Variants in KIAA2012 observed in about 807,000 individuals in gnomAD.
KIAA2012 encodes the protein uncharacterized protein KIAA2012.
A neutral mutation model predicts 150.6 loss-of-function variants in KIAA2012; 125 were observed. The observed-to-expected ratio is 0.83, with a 90% CI of 0.72 to 0.96. The LOEUF is 0.96. KIAA2012 is among the 40% of genes least tolerant of loss of function. The probability of loss-of-function intolerance (pLI) is 0.00; values close to 1 mark genes in which losing one functional copy is unlikely to be tolerated. For missense variants in KIAA2012, 1,219 were observed against 1,354.9 expected, an observed-to-expected ratio of 0.90 and a Z score of 1.57; for synonymous variants, 462 against 504.7, an observed-to-expected ratio of 0.92 and a Z score of 1.13.
chr2:202,098,425 C>T (rs1689951069), intron 5 of KIAA2012, among the ~76,000 whole-genome samples: 1 of 152,130 alleles, frequency 6.6e-6, no homozygotes, highest in Non-Finnish European at 1.5e-5. Flanking sequence ...GCCTTCTCCT[C>T]CTGGAAAGTC....
chr2:202,081,128 A>G (rs554643563), intron 2 of KIAA2012, among the ~76,000 whole-genome samples: 2 of 152,356 alleles, frequency 1.3e-5, no homozygotes, highest in Admixed American at 1.3e-4. Context: ...CACTTAGCAT[A>G]ATGTCTTCAC....
intron 11 of KIAA2012, among the ~76,000 whole-genome samples, chr2:202,119,896 C>T (rs145770228): frequency 9.9e-5 from 15 of 152,244 alleles, no homozygotes; most frequent in East Asian, 3.9e-4. Context: ...GGGAGGAACC[C>T]GGTGGGAGGT....
chr2:202,081,207 G>C (rs1278216288), intron 2 of KIAA2012, among the ~76,000 whole-genome samples: 1 of 152,158 alleles, frequency 6.6e-6, no homozygotes, highest in African/African-American at 2.4e-5. Flanking sequence ...CTGAGTAATA[G>C]TCCCTTGTAT....
At chr2:202,111,818 TGA>T (rs1248242191) in intron 10 of KIAA2012, among the ~76,000 whole-genome samples, 1 of 152,104 alleles carries the variant, frequency 6.6e-6, no homozygotes, top group Admixed American at 6.6e-5. Context: ...GCCTGCCCTG[TGA>T]GAGTGTGCAT....
chr2:202,167,105 C>T (rs1161905721), intron 15 of KIAA2012, among the ~76,000 whole-genome samples: 4 of 150,702 alleles, frequency 2.7e-5, no homozygotes, highest in Admixed American at 6.6e-5. Context: ...ACCCAGCAGG[C>T]GGAGCTTGCA....
intron 13 of KIAA2012, among the ~76,000 whole-genome samples, chr2:202,138,953 C>T (rs548188202): frequency 6.6e-4 from 100 of 152,216 alleles, no homozygotes; most frequent in African/African-American, 2.3e-3. Flanking sequence ...TTTCTATTAG[C>T]GGGCCAGTCA....
chr2:202,154,878 C>T (rs1218325648), intron 14 of KIAA2012, 68 bp downstream of exon 14: 1 of 1,471,040 alleles, frequency 6.8e-7, no homozygotes, highest in Non-Finnish European at 9.0e-7. Context: ...TAATACACTT[C>T]TGCATGGTAC....
At chr2:202,122,503 T>C (rs2105935086) in intron 11 of KIAA2012, among the ~76,000 whole-genome samples, 1 of 151,494 alleles carries the variant, frequency 6.6e-6, no homozygotes, top group African/African-American at 2.4e-5. Context: ...CCGCTCTTTT[T>C]TTTTTTTTTT....
In KIAA2012 at chr2:202,093,143, T is replaced by G. The variant is rs1689773173; in HGVS notation, c.643T>G (p.Phe215Val). ...VPPKYHLLPV[F>V]PSFWIQQGKS... ...CCCAAAATACCATCTCCTGCCTGTC[T>G]TCCCTTCATTTTGGATTCAACAAGG... The change falls in exon 4 of 24, where the codon TTC becomes GTC. Residue 215 changes from phenylalanine to valine, a missense_variant. Transcript: ENST00000498697. The G allele has an allele frequency of 6.4e-7, 1 of 1,551,114 alleles. No homozygotes were observed. Among genetic ancestry groups the G allele is most frequent in the Non-Finnish European group, 8.7e-7 (1 of 1,147,120 alleles).
At chr2:202,172,058 G>C (rs190951093) in intron 15 of KIAA2012, among the ~76,000 whole-genome samples, 1 of 152,096 alleles carries the variant, frequency 6.6e-6, no homozygotes, top group Non-Finnish European at 1.5e-5. Context: ...GGCTGTTTGC[G>C]GGCTTACGCC....
At chr2:202,178,310 G>A (rs558887079) in intron 15 of KIAA2012, among the ~76,000 whole-genome samples, 37 of 152,130 alleles carry the variant, frequency 2.4e-4, no homozygotes, top group African/African-American at 8.2e-4. Flanking sequence ...TACTGTGAAC[G>A]CTTAAGATAT....
At chr2:202,118,140 A>G (rs1690571621) in intron 11 of KIAA2012, among the ~76,000 whole-genome samples, 1 of 152,206 alleles carries the variant, frequency 6.6e-6, no homozygotes, top group Admixed American at 6.5e-5. Flanking sequence ...CATAGAGTCC[A>G]CAATCCATCC....
At chr2:202,201,714 C>G (rs1692530102) in intron 22 of KIAA2012, 1 of 1,545,218 alleles carries the variant, frequency 6.5e-7, no homozygotes, top group African/African-American at 1.4e-5. Context: ...ATGGTGGGGA[C>G]TGTGGCAGCC....
At chr2:202,126,815 G>A (rs780778067) in intron 12 of KIAA2012, among the ~76,000 whole-genome samples, 19 of 152,120 alleles carry the variant, frequency 1.2e-4, no homozygotes, top group Non-Finnish European at 2.2e-4. Flanking sequence ...GAGGTTAAGT[G>A]ACTTGCCCAA....
intron 23 of KIAA2012, among the ~76,000 whole-genome samples, chr2:202,204,063 C>A (rs1692587412): frequency 7.1e-6 from 1 of 141,268 alleles, no homozygotes; most frequent in South Asian, 2.3e-4. Context: ...GCCACCGCAC[C>A]CAGCGGTTTT....
At chr2:202,133,128 ATATT>A (rs1690994110) in intron 12 of KIAA2012, among the ~76,000 whole-genome samples, 2 of 76,682 alleles carry the variant, frequency 2.6e-5, no homozygotes, top group African/African-American at 1.1e-4. Context: ...ATATATATAT[ATATT>A]TTTTTTTTTT....
chr2:202,199,920 A>ATTTTTTTTTT (rs71025287), intron 22 of KIAA2012, among the ~76,000 whole-genome samples: 4 of 76,290 alleles, frequency 5.2e-5, no homozygotes, highest in Non-Finnish European at 9.2e-5. Context: ...GCCCCTCATA[A>ATTTTTTTTTT]TTTTTTTTTT....
chr2:202,087,488 G>C (rs1354957987), intron 2 of KIAA2012, among the ~76,000 whole-genome samples: 3 of 124,524 alleles, frequency 2.4e-5, no homozygotes, highest in Non-Finnish European at 3.2e-5. Context: ...ACTCCAGCCT[G>C]GTTGACAAAG....
intron 15 of KIAA2012, chr2:202,179,390 G>A (rs569975772): frequency 3.8e-6 from 3 of 792,382 alleles, no homozygotes; most frequent in Non-Finnish European, 6.7e-6. Flanking sequence ...AGCTGGAGGA[G>A]CCCTGTCAGT....
Sources: allele counts gnomAD v4.1 joint callset (sites outside exome capture counted in the v4.1 genomes callset), GRCh38; gene constraint gnomAD v4.1.1; transcripts MANE v1.5; gene names NCBI Gene and HGNC (gene_info 2026-07-23, HGNC 2026-07-21).